Variants in DPP10 observed in about 807,000 individuals in gnomAD.
DPP10 encodes the protein dipeptidyl peptidase like 10, also known as inactive dipeptidyl peptidase 10.
A neutral mutation model predicts 120.9 loss-of-function variants in DPP10; 33 were observed. The observed-to-expected ratio is 0.27, with a 90% CI of 0.21 to 0.37. DPP10 has a LOEUF of 0.37. Among genes scored for constraint, DPP10 ranks in the 10% least tolerant of loss-of-function variants. The pLI, the probability that DPP10 is intolerant of heterozygous loss-of-function variation, is 1.00. For synonymous variants in DPP10, 337 were observed against 326.1 expected (o/e 1.03, Z -0.36); for missense variants, 816 against 942.8 (o/e 0.87, Z 1.76).
At chr2:114,866,957 C>A (rs2106550141) in intron 1 of DPP10, among the ~76,000 whole-genome samples, 1 of 152,266 alleles carries the variant, frequency 6.6e-6, no homozygotes, top group East Asian at 1.9e-4. Flanking sequence ...GAGCAGCCTT[C>A]CAGGTTAGGG....
chr2:114,764,661 T>C (rs1680560057), intron 1 of DPP10, among the ~76,000 whole-genome samples: 1 of 152,000 alleles, frequency 6.6e-6, no homozygotes, highest in East Asian at 1.9e-4. Context: ...ATAAAGAAGA[T>C]AAATTTATAA....
chr2:115,768,185 C>T, intron 12 of DPP10, 112 bp from the exon 13 acceptor site: 1 of 866,898 alleles, frequency 1.2e-6, no homozygotes. Context: ...GCCCATTTTC[C>T]TAACTAATTA....
At chr2:114,554,720 C>A (rs148675909) in intron 1 of DPP10, among the ~76,000 whole-genome samples, 2 of 152,176 alleles carry the variant, frequency 1.3e-5, no homozygotes, top group Admixed American at 6.5e-5. Context: ...TTGCCCATTC[C>A]GGGCTTTAAC....
At chr2:115,045,655 G>A (rs1705008962) in intron 1 of DPP10, among the ~76,000 whole-genome samples, 1 of 152,054 alleles carries the variant, frequency 6.6e-6, no homozygotes, top group African/African-American at 2.4e-5. Context: ...ACCAGGGGAC[G>A]GCGGAGGGAT....
rs920511199 is a variant in DPP10 at position 114,777,450 on chromosome 2, A to G, written c.60+334612A>G. Among the ~76,000 whole-genome samples the G allele has an allele frequency of 1.5e-4, 23 of 152,106 alleles. 1 individual carries two copies. Among genetic ancestry groups the G allele is most frequent in the Non-Finnish European group, 1.5e-5 (1 of 67,992 alleles). On this transcript the variant is annotated intron_variant, in intron 1 of 25. Transcript: ENST00000410059. ...TTGGATATATTATTCCTACTAAATT[A>G]TATTTCTTCCAGAAAAAGTTTTGAA...
chr2:115,486,470 T>C (rs1440968231), intron 3 of DPP10, among the ~76,000 whole-genome samples: 1 of 152,114 alleles, frequency 6.6e-6, no homozygotes, highest in African/African-American at 2.4e-5. Flanking sequence ...TTCTAGACCT[T>C]TGGGATCATA....
intron 1 of DPP10, among the ~76,000 whole-genome samples, chr2:115,011,399 T>C (rs934303175): frequency 9.9e-5 from 15 of 152,214 alleles, no homozygotes; most frequent in Non-Finnish European, 2.2e-4. Flanking sequence ...AATTGTGGAA[T>C]TGTCTGTTTC....
At chr2:114,688,350 T>C (rs1001238263) in intron 1 of DPP10, among the ~76,000 whole-genome samples, 2 of 151,968 alleles carry the variant, frequency 1.3e-5, no homozygotes, top group Non-Finnish European at 2.9e-5. Flanking sequence ...AATAATTCTC[T>C]TCTATTTTTT....
intron 1 of DPP10, among the ~76,000 whole-genome samples, chr2:114,738,537 C>T (rs774557847): frequency 1.3e-5 from 2 of 151,930 alleles, no homozygotes; most frequent in Non-Finnish European, 2.9e-5. Context: ...GAGCACTAGC[C>T]TGTGTGGGGA....
At chr2:115,609,375 A>G (rs1326623006) in intron 5 of DPP10, among the ~76,000 whole-genome samples, 3 of 152,140 alleles carry the variant, frequency 2.0e-5, no homozygotes, top group Non-Finnish European at 4.4e-5. Context: ...GAAAGTTGAT[A>G]TGAGATTGAT....
intron 1 of DPP10, among the ~76,000 whole-genome samples, chr2:115,149,155 C>A (rs1222266579): frequency 6.6e-6 from 1 of 152,122 alleles, no homozygotes; most frequent in East Asian, 1.9e-4. Context: ...CAGCAGGAAC[C>A]TTGATCAAAC....
intron 1 of DPP10, among the ~76,000 whole-genome samples, chr2:114,467,498 A>G (rs1191316913): frequency 6.6e-6 from 1 of 152,160 alleles, no homozygotes; most frequent in African/African-American, 2.4e-5. Context: ...ATGTCTAGAG[A>G]TCAGAGTTGG....
At chr2:114,772,081 T>C (rs1467424237) in intron 1 of DPP10, among the ~76,000 whole-genome samples, 1 of 151,894 alleles carries the variant, frequency 6.6e-6, no homozygotes, top group Non-Finnish European at 1.5e-5. Flanking sequence ...CTAAAAGAGC[T>C]GAGATACATA....
At chr2:114,875,441 TC>T (rs1359964468) in intron 1 of DPP10, among the ~76,000 whole-genome samples, 4 of 152,262 alleles carry the variant, frequency 2.6e-5, no homozygotes, top group African/African-American at 9.6e-5. Context: ...AAAACCAATA[TC>T]TTCATTTTGG....
At chr2:114,873,672 C>T (rs558632544) in intron 1 of DPP10, among the ~76,000 whole-genome samples, 1 of 150,288 alleles carries the variant, frequency 6.7e-6, no homozygotes, top group Non-Finnish European at 1.5e-5. Context: ...GCTGGCTAGC[C>T]AAAAAAACGT....
intron 2 of DPP10, among the ~76,000 whole-genome samples, chr2:115,328,395 A>C (rs562168222): frequency 6.6e-6 from 1 of 152,114 alleles, no homozygotes; most frequent in South Asian, 2.1e-4. Context: ...GCTAATTAGA[A>C]CTATGAGTAA....
chr2:115,443,169 A>G (rs537813823), intron 3 of DPP10, among the ~76,000 whole-genome samples: 1 of 152,126 alleles, frequency 6.6e-6, no homozygotes, highest in South Asian at 2.1e-4. Context: ...AATATCAATC[A>G]TGTGTACAAA....
At chr2:114,914,039 A>G (rs1694588895) in intron 1 of DPP10, among the ~76,000 whole-genome samples, 2 of 152,240 alleles carry the variant, frequency 1.3e-5, no homozygotes, top group South Asian at 4.1e-4. Flanking sequence ...AATAATTTTA[A>G]AAAATGAACA....
At chr2:115,004,986 G>C (rs182112577) in intron 1 of DPP10, among the ~76,000 whole-genome samples, 2,517 of 152,094 alleles carry the variant, frequency 0.017, 57 homozygotes, top group African/African-American at 0.048. Flanking sequence ...GCTTTGAAGA[G>C]AGCAGTGGTT....
Sources: gnomAD v4.1 joint callset for allele counts (sites outside exome capture counted in the v4.1 genomes callset) on GRCh38, gnomAD v4.1.1 for gene constraint, MANE v1.5 for transcripts, NCBI Gene and HGNC (gene_info 2026-07-23, HGNC 2026-07-21) for gene names.